Variants in IL1RAPL2 observed in about 807,000 individuals in gnomAD.
IL1RAPL2 encodes the protein interleukin 1 receptor accessory protein like 2, also known as X-linked interleukin-1 receptor accessory protein-like 2.
A neutral mutation model predicts 44.1 loss-of-function variants in IL1RAPL2; 3 were observed. The observed-to-expected ratio is 0.07, with a 90% CI of 0.03 to 0.18. The LOEUF is 0.18. Among genes scored for constraint, IL1RAPL2 ranks in the 10% least tolerant of loss-of-function variants. IL1RAPL2 has a pLI of 1.00. For synonymous variants in IL1RAPL2, 181 were observed against 178.8 expected, an observed-to-expected ratio of 1.01 and a Z score of -0.10; for missense variants, 391 against 496.4, an observed-to-expected ratio of 0.79 and a Z score of 2.02.
At chrX:105,483,210 A>G (rs778586265) in intron 5 of IL1RAPL2, among the ~76,000 whole-genome samples, 3 of 110,123 alleles carry the variant, frequency 2.7e-5, no homozygotes, top group Admixed American at 2.0e-4. Context: ...CCTTTGAGTC[A>G]TTTTTTGTTT....
chrX:105,310,754 T>C (rs1331335291), intron 5 of IL1RAPL2, among the ~76,000 whole-genome samples: 1 of 111,851 alleles, frequency 8.9e-6, no homozygotes, highest in African/African-American at 3.2e-5. Flanking sequence ...ATGTTAGTGC[T>C]TTTTAAACAT....
At chrX:105,404,756 C>T (rs1372966239) in intron 5 of IL1RAPL2, among the ~76,000 whole-genome samples, 1 of 111,957 alleles carries the variant, frequency 8.9e-6, no homozygotes, top group Non-Finnish European at 1.9e-5. Context: ...TTCTTCATAG[C>T]TTGAGAAGAA....
intron 2 of IL1RAPL2, among the ~76,000 whole-genome samples, chrX:104,882,904 C>T (rs755940718): frequency 1.9e-4 from 21 of 111,368 alleles, no homozygotes; most frequent in African/African-American, 4.9e-4. Context: ...CAAACAACTC[C>T]GGACGCCCCA....
At chrX:105,294,829 A>G (rs1412196306) in intron 5 of IL1RAPL2, among the ~76,000 whole-genome samples, 1 of 111,934 alleles carries the variant, frequency 8.9e-6, no homozygotes, top group Non-Finnish European at 1.9e-5. Context: ...TGTTCACAGT[A>G]ACCTTGTGAA....
chrX:105,665,711 A>G (rs1379475864), intron 6 of IL1RAPL2, among the ~76,000 whole-genome samples: 2 of 102,804 alleles, frequency 1.9e-5, no homozygotes, highest in Non-Finnish European at 3.9e-5. Context: ...TGTCCTTTCA[A>G]TAGTTTTTAT....
At chrX:104,964,677 A>G (rs2030084610) in intron 2 of IL1RAPL2, among the ~76,000 whole-genome samples, 1 of 111,568 alleles carries the variant, frequency 9.0e-6, no homozygotes, top group African/African-American at 3.3e-5. Context: ...ATCCGAATTA[A>G]CATCAAAGAC....
chrX:104,807,495 G>T (rs1379154113), intron 2 of IL1RAPL2, among the ~76,000 whole-genome samples: 1 of 111,572 alleles, frequency 9.0e-6, no homozygotes, highest in Non-Finnish European at 1.9e-5. Context: ...TCTTAGGAGA[G>T]TTTTTTCCTT....
chrX:104,944,113 C>A (rs749239273), intron 2 of IL1RAPL2, among the ~76,000 whole-genome samples: 1 of 111,541 alleles, frequency 9.0e-6, no homozygotes, highest in Non-Finnish European at 1.9e-5. Flanking sequence ...TTATGACAAT[C>A]ACCAAGTAGC....
chrX:104,849,835 T>C (rs1309609567), intron 2 of IL1RAPL2, among the ~76,000 whole-genome samples: 1 of 111,629 alleles, frequency 9.0e-6, no homozygotes, highest in East Asian at 2.8e-4. Flanking sequence ...TTAATTACTA[T>C]ATTTTAACAA....
intron 7 of IL1RAPL2, among the ~76,000 whole-genome samples, chrX:105,737,161 T>C (rs1396681225): frequency 9.0e-6 from 1 of 111,104 alleles, no homozygotes; most frequent in African/African-American, 3.3e-5. Flanking sequence ...TTCTCACTTA[T>C]AAGTGGGAGC....
intron 6 of IL1RAPL2, among the ~76,000 whole-genome samples, chrX:105,680,986 G>A (rs1210453469): frequency 8.9e-6 from 1 of 112,001 alleles, no homozygotes; most frequent in Non-Finnish European, 1.9e-5. Flanking sequence ...TTAGACAAAA[G>A]AGTATGACCT....
intron 2 of IL1RAPL2, among the ~76,000 whole-genome samples, chrX:104,715,183 TC>T (rs1426072414): frequency 5.5e-5 from 6 of 109,758 alleles, no homozygotes; most frequent in Non-Finnish European, 1.1e-4. Context: ...GTTCAGTAAA[TC>T]AATCTTTTCC....
rs199983076 is a variant in IL1RAPL2, at chrX:104,761,929, T to C, written c.82+102934T>C. Among the ~76,000 whole-genome samples, 151 of 29,905 alleles carry C rather than the reference T, an allele frequency of 5.0e-3. 5 individuals are homozygous for C. Among genetic ancestry groups the C allele is most frequent in the East Asian group, 0.015 (18 of 1,220 alleles). The allele number at this position is 29,905 out of a possible 115,157, so 26.0% of individuals were successfully genotyped here. A position where few individuals can be genotyped will look rare whatever the true frequency, so the allele number is the denominator to read the frequency against. ...TCCTTCTCCTTCTCCTTCTCCTTCT[T>C]CTTCTTCTTCTTCTTCTTCTTCTTC... On this transcript the variant is annotated intron_variant, in intron 2 of 10. Transcript: ENST00000372582.
At chrX:104,571,659 G>A (rs1368734228) in intron 1 of IL1RAPL2, among the ~76,000 whole-genome samples, 1 of 112,290 alleles carries the variant, frequency 8.9e-6, no homozygotes, top group Non-Finnish European at 1.9e-5. Flanking sequence ...ATGCGGAACT[G>A]TGAGTCCACT....
At chrX:105,745,842 C>T (rs1418606864) in intron 8 of IL1RAPL2, among the ~76,000 whole-genome samples, 1 of 110,477 alleles carries the variant, frequency 9.1e-6, no homozygotes, top group Non-Finnish European at 1.9e-5. Context: ...CCACCATGCC[C>T]GACTAATTGT....
chrX:104,891,409 T>C (rs891558880), intron 2 of IL1RAPL2, among the ~76,000 whole-genome samples: 3 of 112,264 alleles, frequency 2.7e-5, no homozygotes, highest in African/African-American at 3.2e-5. Context: ...ATTTTCACAA[T>C]ATTGATTCTT....
intron 5 of IL1RAPL2, among the ~76,000 whole-genome samples, chrX:105,482,296 AT>A (rs954480017): frequency 2.0e-4 from 22 of 111,631 alleles, no homozygotes; most frequent in Admixed American, 1.1e-3. Flanking sequence ...AAACATATTC[AT>A]TTTTTTTAAA....
intron 2 of IL1RAPL2, among the ~76,000 whole-genome samples, chrX:105,132,293 T>C (rs941635765): frequency 9.0e-6 from 1 of 110,619 alleles, no homozygotes; most frequent in Non-Finnish European, 1.9e-5. Flanking sequence ...AAAAACACAG[T>C]TGGAAATTCA....
In IL1RAPL2 at chrX:104,739,260, T is replaced by C. The variant is rs748971324; in HGVS notation, c.82+80265T>C. On this transcript the variant is annotated intron_variant, in intron 2 of 10. Transcript: ENST00000372582. ...GCCCCAAGAAATGTTGGTTCTCTTA[T>C]TTGTTAGTTTGCTTTGCATGGCAGA... 1.3e-4 allele frequency among the ~76,000 whole-genome samples: 15 copies of C among 112,134 alleles called. No individual in the cohort carries two copies. In the South Asian group the frequency reaches 5.6e-3, roughly 42 times the overall value.
Sources: allele counts gnomAD v4.1 joint callset (sites outside exome capture counted in the v4.1 genomes callset), GRCh38; gene constraint gnomAD v4.1.1; transcripts MANE v1.5; gene names NCBI Gene and HGNC (gene_info 2026-07-23, HGNC 2026-07-21).